Variants in SMC4 observed in about 807,000 individuals in gnomAD.
SMC4 encodes the protein structural maintenance of chromosomes 4.
A neutral mutation model predicts 145.6 loss-of-function variants in SMC4; 87 were observed. That is an observed-to-expected ratio of 0.60 (90% confidence interval 0.50 to 0.71). SMC4 has a LOEUF of 0.71. Ranked by LOEUF, SMC4 falls within the 30% of genes least tolerant of loss-of-function variation. SMC4 has a pLI of 0.00. For synonymous variants in SMC4, 558 were observed against 500.7 expected (o/e 1.11, Z -1.53); for missense variants, 1,447 against 1,537.1 (o/e 0.94, Z 0.98).
chr3:160,419,033 C>T (rs992365242), intron 11 of SMC4, among the ~76,000 whole-genome samples: 3 of 152,180 alleles, frequency 2.0e-5, no homozygotes, highest in Non-Finnish European at 2.9e-5. Flanking sequence ...TTAGGGCACA[C>T]TTATGTATAA....
intron 7 of SMC4, 103 bp downstream of exon 7, chr3:160,412,556 A>C: frequency 7.1e-7 from 1 of 1,403,332 alleles, no homozygotes; most frequent in Non-Finnish European, 9.3e-7. Flanking sequence ...AAGTGAAAAA[A>C]AATCTCTAAA....
At chr3:160,419,886 C>G (rs1014059300) in intron 12 of SMC4, among the ~76,000 whole-genome samples, 1 of 152,080 alleles carries the variant, frequency 6.6e-6, no homozygotes, top group African/African-American at 2.4e-5. Flanking sequence ...AGAAGGATCA[C>G]TTGAGCCTAG....
intron 13 of SMC4, among the ~76,000 whole-genome samples, 154 bp downstream of exon 13, chr3:160,421,055 G>A (rs906330246): frequency 2.0e-5 from 3 of 151,930 alleles, no homozygotes; most frequent in Non-Finnish European, 4.4e-5. Context: ...TCAGCCTCCC[G>A]AGTATCTGGT....
rs1035427700 is a variant in SMC4, at chr3:160,417,801, C to T, written c.1516C>T (p.Leu506Phe). The change falls in exon 11 of 24, where the codon CTT becomes TTT. Residue 506 changes from leucine (L) to phenylalanine (F), a missense_variant. Transcript: ENST00000357388. The part of the protein sequence containing the change: ...RSKMDVAQSE[L>F]DIYLSRHNTA... ...AAAGATGGATGTAGCCCAGTCAGAACTTGATATCTATCTCAGTCGTCATAA... is the reference window on the plus strand; with the variant it reads ...AAAGATGGATGTAGCCCAGTCAGAATTTGATATCTATCTCAGTCGTCATAA... 1.9e-6 allele frequency: 3 copies of T among 1,613,664 alleles called. No homozygotes were observed. In the East Asian group the frequency reaches 6.7e-5, roughly 36 times the overall value.
chr3:160,418,031 C>T lies in SMC4; in HGVS notation c.1671+75C>T, dbSNP rs1716772056. The T allele has an allele frequency of 2.5e-6, 3 of 1,209,720 alleles. No individual in the cohort carries two copies. The South Asian group carries it at 4.1e-5, about 16-fold the overall frequency. 74.9% of individuals were successfully genotyped at this position (1,209,720 alleles called of 1,614,324 possible). A position where few individuals can be genotyped will look rare whatever the true frequency, so the allele number is the denominator to read the frequency against. The stretch of plus-strand genomic sequence containing the variant: ...CTTTATACATTTTTGTTTTTAATCT[C>T]CGCGTCAGAGGTGACTAGTGATAAA... On this transcript the variant is annotated intron_variant, in intron 11 of 23. Transcript: ENST00000357388.
At chr3:160,400,579 C>A in intron 1 of SMC4, 1 of 463,038 alleles carries the variant, frequency 2.2e-6, no homozygotes, top group Non-Finnish European at 3.8e-6. Context: ...AGCAGTTGCT[C>A]AATCGTTGAT....
chr3:160,433,970 T>C lies in SMC4; in HGVS notation c.*161T>C. On this transcript the variant is annotated 3_prime_UTR_variant, in exon 24 of 24. Transcript: ENST00000357388. The stretch of plus-strand genomic sequence containing the variant: ...ATTTGTAAAGTCTAATAAAATATTC[T>C]CTATAATTGCTTCTAGATTACAAAA... The C allele has an allele frequency of 2.0e-6, 1 of 501,634 alleles. No homozygotes were observed. The highest frequency in any genetic ancestry group is 3.5e-6 in the Non-Finnish European group (1 of 288,304). 31.1% of individuals were successfully genotyped at this position (501,634 alleles called of 1,614,324 possible).
At chr3:160,401,065 A>T in intron 2 of SMC4, 100 bp downstream of exon 2, 1 of 1,317,938 alleles carries the variant, frequency 7.6e-7, no homozygotes, top group Non-Finnish European at 9.7e-7. Context: ...CGCGGAGTTG[A>T]CATCTGAAGG....
At position 160,400,843 on chromosome 3, in the gene SMC4, C is replaced by G. The variant is rs1714519006; in HGVS notation, c.17C>G (p.Thr6Ser). MPRKGTQPSTARRREE... is the reference protein window; with the variant it reads MPRKGSQPSTARRREE... Reference sequence around the variant, plus strand: ...CCAGCGACCATGCCCCGTAAAGGCACCCAGCCCTCCACTGCCCGGCGCAGA... The same window carrying G: ...CCAGCGACCATGCCCCGTAAAGGCAGCCAGCCCTCCACTGCCCGGCGCAGA... Residue 6 changes from threonine (T) to serine (S), a missense_variant, in exon 2 of 24, where the codon ACC (threonine) becomes AGC (serine). Physicochemically the swap from Thr to Ser is moderately conservative, Grantham distance 58. Coordinates refer to ENST00000357388, the MANE Select transcript of SMC4 (RefSeq NM_001002800.3). 3 of 1,538,734 alleles carry G rather than the reference C, an allele frequency of 1.9e-6. No individual in the cohort carries two copies. Among genetic ancestry groups the G allele is most frequent in the Non-Finnish European group, 2.6e-6 (3 of 1,152,468 alleles).
intron 10 of SMC4, among the ~76,000 whole-genome samples, chr3:160,416,874 A>G (rs1163859392): frequency 2.6e-5 from 4 of 152,118 alleles, no homozygotes; most frequent in Non-Finnish European, 1.5e-5. Context: ...GCCGGTTGTC[A>G]TATCTCCAAG....
At chr3:160,414,080 A>G in intron 8 of SMC4, 1 of 437,488 alleles carries the variant, frequency 2.3e-6, no homozygotes, top group East Asian at 6.2e-5. Context: ...AGGTAAAACC[A>G]AAATTTTACT....
rs371370819 is a variant in SMC4, at chr3:160,411,906, A to C, written c.688-14A>C. ...ACATACACAGTGAGTATGAAATATAACTTTTTTTTAAAGGGTGAAGTTGAA... is the reference window on the plus strand; with the variant it reads ...ACATACACAGTGAGTATGAAATATACCTTTTTTTTAAAGGGTGAAGTTGAA... On this transcript the variant is annotated splice_polypyrimidine_tract_variant and intron_variant, in intron 5 of 23. Transcript: ENST00000357388. The C allele has an allele frequency of 2.2e-5, 35 of 1,608,822 alleles. No individual in the cohort carries two copies. Among genetic ancestry groups the C allele is most frequent in the Admixed American group, 6.7e-5 (4 of 59,420 alleles).
chr3:160,433,386 C>T (rs1718630140), intron 23 of SMC4, 177 bp downstream of exon 23: 2 of 547,312 alleles, frequency 3.7e-6, no homozygotes, highest in African/African-American at 3.9e-5. Context: ...CAAATATTTC[C>T]ATTTTGGAGG....
At chr3:160,402,226 GTCTC>G (rs555774784) in intron 3 of SMC4, 133 bp downstream of exon 3, 296 of 451,608 alleles carry the variant, frequency 6.6e-4, no homozygotes, top group Middle Eastern at 1.1e-3. Flanking sequence ...TAGTCTTTCT[GTCTC>G]TCTCTCTCAC....
intron 7 of SMC4, 72 bp downstream of exon 7, chr3:160,412,525 C>A (rs1044001077): frequency 1.2e-5 from 17 of 1,468,186 alleles, no homozygotes; most frequent in Non-Finnish European, 1.5e-5. Flanking sequence ...CTTCTCTTTT[C>A]CTAGAGAAAC....
chr3:160,415,085 A>G (rs1046366016), intron 9 of SMC4, among the ~76,000 whole-genome samples: 2 of 152,190 alleles, frequency 1.3e-5, no homozygotes, highest in South Asian at 2.1e-4. Context: ...AGAATTACCA[A>G]TGTTGGCCAG....
intron 5 of SMC4, among the ~76,000 whole-genome samples, chr3:160,409,847 G>A (rs1054550560): frequency 2.0e-5 from 3 of 152,146 alleles, no homozygotes; most frequent in African/African-American, 7.2e-5. Flanking sequence ...CAAAAGGATC[G>A]CTTGAGCCCA....
intron 5 of SMC4, among the ~76,000 whole-genome samples, chr3:160,405,664 A>G (rs1439832964): frequency 6.6e-6 from 1 of 152,068 alleles, no homozygotes; most frequent in Non-Finnish European, 1.5e-5. Context: ...TATATTTGCA[A>G]TACTTCAACC....
rs1200535992 is a variant in SMC4, at chr3:160,431,697, G to T, written c.3169G>T (p.Val1057Phe). The change falls in exon 21 of 24, where the codon GTT (valine) becomes TTT (phenylalanine). Residue 1057 changes from valine to phenylalanine, a missense_variant. By Grantham distance (50) the Val-to-Phe change is conservative. Coordinates refer to ENST00000357388, the MANE Select transcript of SMC4 (RefSeq NM_001002800.3). The stretch of plus-strand genomic sequence containing the variant: ...AGATAATCCTATTGAAGAGATTTCG[G>T]TTCTAAGCCCAGAGGATCTTGAAGC... ...IEDNPIEEIS[V>F]LSPEDLEAIK... is the part of the protein sequence containing the mutation. 3.7e-6 allele frequency: 6 copies of T among 1,611,976 alleles called. No homozygotes were observed. Among genetic ancestry groups the T allele is most frequent in the Non-Finnish European group, 5.1e-6 (6 of 1,179,614 alleles).
Sources: allele counts gnomAD v4.1 joint callset (sites outside exome capture counted in the v4.1 genomes callset), GRCh38; gene constraint gnomAD v4.1.1; transcripts MANE v1.5; gene names NCBI Gene and HGNC (gene_info 2026-07-23, HGNC 2026-07-21).